The following NEB variants were observed in gnomAD, a reference collection of about 807,000 sequenced individuals.
NEB encodes the protein nebulin.
A neutral mutation model predicts 952.2 loss-of-function variants in NEB; 512 were observed. The observed-to-expected ratio is 0.54, with a 90% CI of 0.50 to 0.58. The LOEUF is 0.58. Among genes scored for constraint, NEB ranks in the 20% least tolerant of loss-of-function variants. The probability of loss-of-function intolerance (pLI) is 0.00; values close to 1 mark genes in which losing one functional copy is unlikely to be tolerated. For missense variants in NEB, 8,428 were observed against 9,231.1 expected (o/e 0.91, Z 3.56); for synonymous variants, 2,900 against 3,149.8 (o/e 0.92, Z 2.66).
chr2:151,493,716 C>T, intron 175 of NEB, 59 bp downstream of exon 175: 1 of 1,284,888 alleles, frequency 7.8e-7, no homozygotes, highest in Non-Finnish European at 1.1e-6. Context: ...ATTAGTGGTA[C>T]AACCATGTTT....
intron 32 of NEB, among the ~76,000 whole-genome samples, chr2:151,678,909 A>G (rs753812451): frequency 2.0e-5 from 3 of 152,178 alleles, no homozygotes; most frequent in Admixed American, 6.5e-5. Flanking sequence ...CAATCATCAC[A>G]TATTTACACT....
rs878854368 is a variant in NEB, at chr2:151,646,139, GTTGA to G, written c.7523_7526del (p.Ile2508ThrfsTer14). On this transcript the variant is annotated frameshift_variant, in exon 55 of 182. Transcript: ENST00000397345. LOFTEE classifies it high-confidence loss of function. The stretch of plus-strand genomic sequence containing the variant: ...GAATTTGAAAACTTACATCACTTGT[GTTGA>G]TTAAGTTTGCTTTAGCCAGAACAAT... The G allele has an allele frequency of 1.5e-5, 24 of 1,586,504 alleles. No individual in the cohort carries two copies. The highest frequency in any genetic ancestry group is 2.1e-5 in the Non-Finnish European group (24 of 1,164,634).
In NEB at chr2:151,665,353, T is replaced by G. The variant is rs762762498; in HGVS notation, c.5218A>C (p.Asn1740His). 2.5e-6 allele frequency: 4 copies of G among 1,613,698 alleles called. No homozygotes were observed. The highest frequency in any genetic ancestry group is 3.4e-6 in the Non-Finnish European group (4 of 1,179,776). Residue 1740 changes from asparagine to histidine, a missense_variant, in exon 42 of 182, where the codon AAC (asparagine) becomes CAC (histidine). Asn to His is a moderately conservative substitution (Grantham distance 68). Coordinates refer to ENST00000397345, the MANE Select transcript of NEB (RefSeq NM_001164508.2). ...CTTACCTTGTCCATGTTCAGTTTGT[T>G]ACTCTTGTTAAGTGCCTGTTCCATT... ...DTMEQALNKS[N>H]KLNMDKRLYT... is the part of the protein sequence containing the mutation.
chr2:151,641,657 A>G (rs900927539), intron 60 of NEB, among the ~76,000 whole-genome samples: 1 of 152,166 alleles, frequency 6.6e-6, no homozygotes, highest in Non-Finnish European at 1.5e-5. Flanking sequence ...AATGACAGGT[A>G]GGTATTTCAT....
chr2:151,549,278 C>G (rs1385100580), intron 130 of NEB, among the ~76,000 whole-genome samples: 1 of 152,154 alleles, frequency 6.6e-6, no homozygotes, highest in African/African-American at 2.4e-5. Flanking sequence ...ATCACCACAC[C>G]TCAGTAGTGC....
intron 68 of NEB, among the ~76,000 whole-genome samples, chr2:151,628,284 C>A (rs1230163726): frequency 6.6e-6 from 1 of 152,190 alleles, no homozygotes; most frequent in African/African-American, 2.4e-5. Context: ...ATCCCTCCAT[C>A]CAACACACCC....
At chr2:151,540,130 G>A (rs548144157) in intron 138 of NEB, among the ~76,000 whole-genome samples, 1 of 152,254 alleles carries the variant, frequency 6.6e-6, no homozygotes, top group South Asian at 2.1e-4. Flanking sequence ...TTTTATTCAG[G>A]AGAGAATTGA....
intron 64 of NEB, among the ~76,000 whole-genome samples, chr2:151,634,883 G>A (rs1026600583): frequency 2.6e-5 from 4 of 152,148 alleles, no homozygotes; most frequent in Non-Finnish European, 4.4e-5. Context: ...AGCCTCACAT[G>A]TATCAACAAT....
Position 151,524,572 on chromosome 2 carries a change from T to A in NEB, c.22317A>T (p.Thr7439=). 1 of 1,612,078 alleles carries A rather than the reference T, an allele frequency of 6.2e-7. No individual in the cohort carries two copies. The highest frequency in any genetic ancestry group is 8.5e-7 in the Non-Finnish European group (1 of 1,179,008). Residue 7439 remains threonine (T), a synonymous_variant, in exon 152 of 182, where the codon ACA becomes ACT. Transcript: ENST00000397345. The part of the protein sequence containing the change: ...KDAKENLHYT[T]VADRPDIKKA... ...TCTTGATGTCTGGTCGATCAGCCAC[T>A]GTGGTGTAATGCAGGTTCTCTTTGG...
chr2:151,563,764 C>A (rs764742541), intron 118 of NEB, 45 bp from the exon 119 acceptor site: 1 of 1,607,470 alleles, frequency 6.2e-7, no homozygotes, highest in South Asian at 1.1e-5. Context: ...GTTTCCTAAC[C>A]AGCCCCTTGA....
intron 3 of NEB, among the ~76,000 whole-genome samples, chr2:151,732,475 A>C (rs1393380034): frequency 1.3e-5 from 2 of 152,186 alleles, no homozygotes; most frequent in African/African-American, 4.8e-5. Flanking sequence ...TCTTATTCAA[A>C]ATTCAAAAGC....
At chr2:151,568,576 T>C (rs2096514867) in intron 111 of NEB, 42 bp downstream of exon 111, 2 of 1,507,864 alleles carry the variant, frequency 1.3e-6, no homozygotes, top group East Asian at 4.6e-5. Context: ...TTGGAAGTGA[T>C]ATCTGCATCA....
chr2:151,525,347 A>C, intron 150 of NEB, 74 bp from the exon 151 acceptor site: 2 of 1,081,332 alleles, frequency 1.8e-6, no homozygotes, highest in Non-Finnish European at 2.8e-6. Flanking sequence ...AGAACTGTGA[A>C]ATCTCCAGGA....
chr2:151,499,031 T>TATAA (rs34484326), intron 169 of NEB, among the ~76,000 whole-genome samples: 89,761 of 151,626 alleles, frequency 0.59, 26,949 homozygotes, highest in Admixed American at 0.7. Context: ...GCCAAAGCAG[T>TATAA]ATAAATGTGG....
intron 41 of NEB, among the ~76,000 whole-genome samples, chr2:151,665,854 T>C (rs2099209742): frequency 6.6e-6 from 1 of 152,214 alleles, no homozygotes; most frequent in South Asian, 2.1e-4. Context: ...TAATTTTTCA[T>C]AGACAACATC....
chr2:151,500,854 C>T (rs944077976), intron 168 of NEB, among the ~76,000 whole-genome samples: 2 of 152,104 alleles, frequency 1.3e-5, no homozygotes, highest in Non-Finnish European at 2.9e-5. Context: ...CTGCCTCGAC[C>T]TCCCAAAGTG....
intron 120 of NEB, 39 bp from the exon 121 acceptor site, chr2:151,562,253 C>A: frequency 6.7e-7 from 1 of 1,485,966 alleles, no homozygotes; most frequent in South Asian, 1.1e-5. Flanking sequence ...GGAAGGTATT[C>A]TGAATTTACA....
At chr2:151,575,102 C>T (rs1299026128) in intron 107 of NEB, among the ~76,000 whole-genome samples, 2 of 152,014 alleles carry the variant, frequency 1.3e-5, no homozygotes, top group Admixed American at 1.3e-4. Flanking sequence ...AATGGATTTC[C>T]TTCTTTTACT....
chr2:151,692,919 G>A (rs2099569871), intron 20 of NEB, among the ~76,000 whole-genome samples: 2 of 152,110 alleles, frequency 1.3e-5, no homozygotes, highest in Non-Finnish European at 1.5e-5. Context: ...ACAGTGAGCC[G>A]AGATCGTGAC....
Sources: gnomAD v4.1 joint callset for allele counts (sites outside exome capture counted in the v4.1 genomes callset) on GRCh38, gnomAD v4.1.1 for gene constraint, MANE v1.5 for transcripts, NCBI Gene and HGNC (gene_info 2026-07-23, HGNC 2026-07-21) for gene names.